Variants in TRIM66 observed in about 807,000 individuals in gnomAD.
The protein encoded by TRIM66 is tripartite motif containing 66, also known as tripartite motif-containing protein 66.
In TRIM66, 99 loss-of-function variants were observed where a neutral mutation model predicts 148.2. The observed-to-expected ratio is 0.67, with a 90% CI of 0.57 to 0.79. The LOEUF (loss-of-function observed/expected upper bound fraction) is 0.79. TRIM66 is among the 30% of genes least tolerant of loss of function. TRIM66 has a pLI of 0.00. For missense variants in TRIM66, 1,666 were observed against 1,697.9 expected, an observed-to-expected ratio of 0.98 and a Z score of 0.33; for synonymous variants, 616 against 635.9, an observed-to-expected ratio of 0.97 and a Z score of 0.47.
chr11:8,664,555 G>C (rs2038468966), intron 6 of TRIM66, among the ~76,000 whole-genome samples: 1 of 152,120 alleles, frequency 6.6e-6, no homozygotes. Context: ...TAAGGCTGCT[G>C]TGAAGTTTAC....
intron 14 of TRIM66, among the ~76,000 whole-genome samples, 183 bp from the exon 15 acceptor site, chr11:8,638,998 C>T (rs957948318): frequency 6.6e-6 from 1 of 152,216 alleles, no homozygotes; most frequent in African/African-American, 2.4e-5. Flanking sequence ...AGACTACACG[C>T]TAATGGGAAT....
chr11:8,626,355 T>C (rs557368459), intron 15 of TRIM66, among the ~76,000 whole-genome samples: 3 of 152,346 alleles, frequency 2.0e-5, no homozygotes, highest in African/African-American at 7.2e-5. Flanking sequence ...CCCATTCACA[T>C]TTTCACAGGA....
At chr11:8,631,653 C>A (rs1053900846) in intron 15 of TRIM66, among the ~76,000 whole-genome samples, 3 of 152,170 alleles carry the variant, frequency 2.0e-5, no homozygotes, top group Non-Finnish European at 2.9e-5. Context: ...TGTTTCTTGT[C>A]TTCTCCCTTG....
chr11:8,625,206 A>G lies in TRIM66; in HGVS notation c.2333T>C (p.Met778Thr), dbSNP rs775681507. 6 of 1,512,930 alleles carry G rather than the reference A, an allele frequency of 4.0e-6. No individual in the cohort carries two copies. Among genetic ancestry groups the G allele is most frequent in the South Asian group, 1.3e-5 (1 of 76,602 alleles). 93.7% of individuals were successfully genotyped at this position (1,512,930 alleles called of 1,614,324 possible). A position where few individuals can be genotyped will look rare whatever the true frequency, so the allele number is the denominator to read the frequency against. The change falls in exon 16 of 25, where the codon ATG becomes ACG. Residue 778 changes from methionine to threonine, a missense_variant. By Grantham distance (81) the Met-to-Thr change is moderately conservative. Around this residue, in one of 3 missense-constraint regions of TRIM66, gnomAD observed 1,431 missense variants for 1,412.4 expected, o/e 1.01. Transcript: ENST00000646038. ...VRKHSTSLSI[M>T]GFSNTLEMEL... is the part of the protein sequence containing the mutation. ...CATCTCCAGAGTGTTGGAAAAGCCC[A>G]TGATGCTCAGCGAGGTGGAGTGCTG...
Position 8,621,687 on chromosome 11 carries a change from C to A in TRIM66, c.3213G>T (p.Leu1071=). The change falls in exon 19 of 25, where the codon CTG becomes CTT. Residue 1071 remains leucine (L), a synonymous_variant. Coordinates refer to ENST00000646038, the MANE Select transcript of TRIM66 (RefSeq NM_001388022.1). ...QKNDQDGSFL[L]IIECGTESSS... Reference sequence around the variant, plus strand: ...AGGACTCAGTGCCACACTCGATGATCAGCAGGAAGCTCCCATCCTGATCAT... The same window carrying A: ...AGGACTCAGTGCCACACTCGATGATAAGCAGGAAGCTCCCATCCTGATCAT... 1 of 1,549,730 alleles carries A rather than the reference C, an allele frequency of 6.5e-7. No homozygotes were observed. The highest frequency in any genetic ancestry group is 8.7e-7 in the Non-Finnish European group (1 of 1,146,210).
chr11:8,681,200 C>G (rs969033662), intron 1 of TRIM66, among the ~76,000 whole-genome samples: 1 of 150,622 alleles, frequency 6.6e-6, no homozygotes, highest in Non-Finnish European at 1.5e-5. Context: ...GTGGCGCGAT[C>G]TCGGTTCACT....
rs141722140 is a variant in TRIM66, at chr11:8,620,028, A to G, written c.3747+22T>C. 270 of 1,549,724 alleles carry G rather than the reference A, an allele frequency of 1.7e-4. 2 individuals are homozygous for G. In the East Asian group the frequency reaches 6.4e-3, roughly 37 times the overall value. ...AATCCACATGCAAGGAGAAGGTGAG[A>G]GAACAGCGTGGCCTTCCTTACCAGG... is the stretch of plus-strand genomic sequence containing the variant. On this transcript the variant is annotated intron_variant, in intron 22 of 24. Coordinates refer to ENST00000646038, the MANE Select transcript of TRIM66 (RefSeq NM_001388022.1).
At chr11:8,619,088 T>G in intron 23 of TRIM66, 120 bp from the exon 24 acceptor site, 1 of 950,074 alleles carries the variant, frequency 1.1e-6, no homozygotes, top group Non-Finnish European at 1.6e-6. Context: ...GTCTGGAACT[T>G]GACATTTTTC....
At chr11:8,627,605 C>G (rs1276958018) in intron 15 of TRIM66, among the ~76,000 whole-genome samples, 1 of 152,186 alleles carries the variant, frequency 6.6e-6, no homozygotes, top group Non-Finnish European at 1.5e-5. Flanking sequence ...CCTAGTTTTA[C>G]ACTTGACAAA....
At chr11:8,629,704 C>G (rs2035212152) in intron 15 of TRIM66, among the ~76,000 whole-genome samples, 1 of 152,310 alleles carries the variant, frequency 6.6e-6, no homozygotes, top group East Asian at 1.9e-4. Context: ...ACCTGATGAA[C>G]CTGGTCCCGT....
chr11:8,648,636 A>G, intron 8 of TRIM66, 88 bp from the exon 9 acceptor site: 1 of 1,450,838 alleles, frequency 6.9e-7, no homozygotes, highest in Non-Finnish European at 9.3e-7. Flanking sequence ...CTCAGCCTTC[A>G]GAGGACACTG....
At chr11:8,664,033 A>G (rs969514826) in intron 6 of TRIM66, among the ~76,000 whole-genome samples, 2 of 152,214 alleles carry the variant, frequency 1.3e-5, no homozygotes, top group African/African-American at 4.8e-5. Flanking sequence ...TCCAAGTTAG[A>G]TAGCAGGAGT....
chr11:8,655,190 T>G (rs971745068), intron 6 of TRIM66, among the ~76,000 whole-genome samples: 4 of 152,180 alleles, frequency 2.6e-5, no homozygotes, highest in African/African-American at 9.7e-5. Context: ...GTTTGTGTGT[T>G]CCATGTGTAC....
At position 8,644,573 on chromosome 11, in the gene TRIM66, C is replaced by T. The variant is rs879471435; in HGVS notation, c.1104+1168G>A. The T allele has an allele frequency of 1.4e-5, 5 of 356,644 alleles. No homozygotes were observed. In the East Asian group the frequency reaches 2.3e-4, roughly 17 times the overall value. 22.1% of individuals were successfully genotyped at this position (356,644 alleles called of 1,614,324 possible). A position where few individuals can be genotyped will look rare whatever the true frequency, so the allele number is the denominator to read the frequency against. The stretch of plus-strand genomic sequence containing the variant: ...GGACTGTCCTTGTGTTTAAGGTCAA[C>T]CAGTTCACTCTATATCCTTCCTCCT... On this transcript the variant is annotated intron_variant, in intron 12 of 24. Transcript: ENST00000646038.
intron 20 of TRIM66, 148 bp downstream of exon 20, chr11:8,620,884 G>T: frequency 9.2e-7 from 1 of 1,090,962 alleles, no homozygotes. Flanking sequence ...AGATACCCAG[G>T]CCCATTAACT....
At chr11:8,630,334 G>A (rs2035274636) in intron 15 of TRIM66, among the ~76,000 whole-genome samples, 1 of 152,186 alleles carries the variant, frequency 6.6e-6, no homozygotes, top group African/African-American at 2.4e-5. Flanking sequence ...CCCCAGGATT[G>A]TTCAGAGGTC....
intron 9 of TRIM66, 111 bp downstream of exon 9, chr11:8,648,305 A>C: frequency 6.8e-7 from 1 of 1,463,774 alleles, no homozygotes; most frequent in Non-Finnish European, 9.1e-7. Context: ...CAGGGGCTGC[A>C]GGTTGGCTTG....
At chr11:8,633,357 T>G (rs2035592946) in intron 15 of TRIM66, among the ~76,000 whole-genome samples, 1 of 152,194 alleles carries the variant, frequency 6.6e-6, no homozygotes, top group African/African-American at 2.4e-5. Flanking sequence ...GGAGTACTTC[T>G]AAAACACTTT....
chr11:8,649,501 CA>C (rs2037162555), intron 8 of TRIM66, among the ~76,000 whole-genome samples: 1 of 152,152 alleles, frequency 6.6e-6, no homozygotes, highest in South Asian at 2.1e-4. Context: ...CACAATAATT[CA>C]ACACTTTCCT....
Sources: gnomAD v4.1 joint callset for allele counts (sites outside exome capture counted in the v4.1 genomes callset) on GRCh38, gnomAD v4.1.1 for gene constraint, gnomAD v4.1.1 regional missense constraint, MANE v1.5 for transcripts, NCBI Gene and HGNC (gene_info 2026-07-23, HGNC 2026-07-21) for gene names.